DCDC2C: variants seen among roughly 807,000 people sequenced by gnomAD.
The protein encoded by DCDC2C is doublecortin domain-containing protein 2C.
DCDC2C carries 44 observed loss-of-function variants against 45.0 expected under a neutral mutation model. The observed-to-expected ratio is 0.98, with a 90% CI of 0.77 to 1.26. DCDC2C has a LOEUF of 1.26. DCDC2C is among the 50% of genes most tolerant of loss of function. The pLI, the probability that DCDC2C is intolerant of heterozygous loss-of-function variation, is 0.00. For missense variants in DCDC2C, 447 were observed against 468.9 expected (o/e 0.95, Z 0.43); for synonymous variants, 187 against 178.8 (o/e 1.05, Z -0.37).
intron 4 of DCDC2C, among the ~76,000 whole-genome samples, chr2:3,743,220 A>C (rs1298384381): frequency 1.5e-5 from 2 of 137,250 alleles, no homozygotes; most frequent in East Asian, 2.3e-4. Flanking sequence ...ATCAATATAT[A>C]TATGCAACTG....
chr2:3,736,689 T>G (rs868552257), intron 3 of DCDC2C, among the ~76,000 whole-genome samples: 2 of 152,222 alleles, frequency 1.3e-5, no homozygotes, highest in Non-Finnish European at 2.9e-5. Context: ...TCCTGATGAT[T>G]TCAATTGCAG....
At chr2:3,715,776 G>A (rs1223827676) in intron 2 of DCDC2C, among the ~76,000 whole-genome samples, 1 of 152,192 alleles carries the variant, frequency 6.6e-6, no homozygotes, top group Non-Finnish European at 1.5e-5. Context: ...ACTATTTGAA[G>A]CAGTTGTACA....
chr2:3,824,273 T>C (rs115181956), intron 10 of DCDC2C, among the ~76,000 whole-genome samples: 25 of 152,350 alleles, frequency 1.6e-4, no homozygotes, highest in African/African-American at 6.0e-4. Flanking sequence ...TAGCAGGGAT[T>C]GGCAAACTTC....
intron 7 of DCDC2C, among the ~76,000 whole-genome samples, chr2:3,768,451 G>A (rs1415384737): frequency 1.3e-5 from 2 of 152,220 alleles, no homozygotes; most frequent in Non-Finnish European, 1.5e-5. Flanking sequence ...GAGACTGTGA[G>A]TGGTGTGGCT....
intron 9 of DCDC2C, among the ~76,000 whole-genome samples, chr2:3,781,986 A>G (rs981656171): frequency 6.6e-6 from 1 of 152,210 alleles, no homozygotes; most frequent in Non-Finnish European, 1.5e-5. Flanking sequence ...ACAATTTGCC[A>G]TTTAACCATT....
intron 10 of DCDC2C, among the ~76,000 whole-genome samples, chr2:3,842,349 C>A (rs1450970052): frequency 6.6e-6 from 1 of 151,430 alleles, no homozygotes; most frequent in Non-Finnish European, 1.5e-5. Flanking sequence ...GAGGCTGCAG[C>A]AATTTATAGA....
chr2:3,811,296 G>A (rs764608490), intron 10 of DCDC2C, among the ~76,000 whole-genome samples: 23 of 151,990 alleles, frequency 1.5e-4, no homozygotes, highest in South Asian at 6.2e-4. Context: ...GGTCCTTCAC[G>A]TCCCTTGTAA....
chr2:3,708,484 G>A, intron 1 of DCDC2C, 65 bp from the exon 2 acceptor site: 1 of 1,286,640 alleles, frequency 7.8e-7, no homozygotes. Context: ...CGTTTCTAAG[G>A]AGTCTGGAAC....
chr2:3,735,419 C>A lies in DCDC2C; in HGVS notation c.417-6501C>A, dbSNP rs372060882. On this transcript the variant is annotated intron_variant, in intron 3 of 10. Coordinates refer to ENST00000399143, the MANE Select transcript of DCDC2C (RefSeq NM_001287444.2). ...CCTAAAGCTATCCCTCCCCTGCCCC[C>A]CACCCCACAACAGTCCCTGGTGTGT... Among the ~76,000 whole-genome samples the A allele has an allele frequency of 1.9e-4, 29 of 152,090 alleles. No individual in the cohort carries two copies. In the East Asian group the frequency reaches 2.7e-3, roughly 14 times the overall value.
At chr2:3,811,265 G>A (rs1388438922) in intron 10 of DCDC2C, among the ~76,000 whole-genome samples, 1 of 152,122 alleles carries the variant, frequency 6.6e-6, no homozygotes, top group Non-Finnish European at 1.5e-5. Flanking sequence ...TTGAGCAGTG[G>A]TTTGTAGTTC....
chr2:3,785,038 A>G (rs1040186744), intron 9 of DCDC2C, 21 bp from the exon 10 acceptor site: 13 of 1,230,216 alleles, frequency 1.1e-5, no homozygotes, highest in Middle Eastern at 3.1e-4. Context: ...GTTGATTCCT[A>G]TATTTGTTTT....
chr2:3,731,221 A>T (rs775847895), intron 3 of DCDC2C, among the ~76,000 whole-genome samples: 1 of 152,182 alleles, frequency 6.6e-6, no homozygotes, highest in Non-Finnish European at 1.5e-5. Context: ...GGCTGGCTCC[A>T]GGCAGCAGGT....
intron 9 of DCDC2C, among the ~76,000 whole-genome samples, chr2:3,782,383 A>G (rs1670535589): frequency 6.6e-6 from 1 of 152,308 alleles, no homozygotes; most frequent in East Asian, 1.9e-4. Context: ...TAATTATACA[A>G]TCACTACAAT....
intron 1 of DCDC2C, chr2:3,704,260 T>G: frequency 2.6e-6 from 1 of 390,176 alleles, no homozygotes; most frequent in East Asian, 3.9e-5. Flanking sequence ...GGTCCCTTCC[T>G]ATGGGGCAGG....
chr2:3,802,999 C>T (rs1671149978), intron 10 of DCDC2C, among the ~76,000 whole-genome samples: 1 of 152,184 alleles, frequency 6.6e-6, no homozygotes, highest in Non-Finnish European at 1.5e-5. Context: ...TGTTTTCCCA[C>T]CTATATTCAT....
intron 3 of DCDC2C, 110 bp downstream of exon 3, chr2:3,727,189 T>G (rs1572563928): frequency 5.0e-6 from 4 of 799,936 alleles, no homozygotes; most frequent in East Asian, 2.9e-5. Context: ...CCTCCTCCCC[T>G]CCCCTCCCCC....
intron 4 of DCDC2C, among the ~76,000 whole-genome samples, chr2:3,750,146 T>C (rs932377862): frequency 7.9e-5 from 12 of 152,096 alleles, no homozygotes; most frequent in East Asian, 5.8e-4. Flanking sequence ...CAGCAAGCCT[T>C]GGAGATTCTG....
intron 10 of DCDC2C, among the ~76,000 whole-genome samples, chr2:3,806,865 T>C (rs1412172761): frequency 6.6e-6 from 1 of 152,136 alleles, no homozygotes; most frequent in Non-Finnish European, 1.5e-5. Flanking sequence ...AGTTTCTTTG[T>C]TGCTCGTGAC....
intron 7 of DCDC2C, 113 bp downstream of exon 7, chr2:3,767,993 TA>T (rs747339232): frequency 2.6e-6 from 3 of 1,157,434 alleles, no homozygotes; most frequent in Non-Finnish European, 3.5e-6. Flanking sequence ...GTTTGACTTG[TA>T]ACTATCTGCT....
Sources: allele counts gnomAD v4.1 joint callset (sites outside exome capture counted in the v4.1 genomes callset), GRCh38; gene constraint gnomAD v4.1.1; transcripts MANE v1.5; gene names NCBI Gene and HGNC (gene_info 2026-07-23, HGNC 2026-07-21).